Variants in PPFIA2 observed in about 807,000 individuals in gnomAD.
PPFIA2 encodes the protein liprin-alpha-2.
In PPFIA2, 46 loss-of-function variants were observed where a neutral mutation model predicts 175.5. The ratio of observed to expected loss-of-function variants is 0.26; its 90% CI spans 0.21 to 0.34. PPFIA2 has a LOEUF of 0.34. Among genes scored for constraint, PPFIA2 ranks in the 10% least tolerant of loss-of-function variants. The probability of loss-of-function intolerance (pLI) is 1.00; values close to 1 mark genes in which losing one functional copy is unlikely to be tolerated. For synonymous variants in PPFIA2, 568 were observed against 511.4 expected (o/e 1.11, Z -1.49); for missense variants, 1,179 against 1,506.1 (o/e 0.78, Z 3.60).
intron 28 of PPFIA2, among the ~76,000 whole-genome samples, chr12:81,272,000 C>A (rs1156519030): frequency 6.6e-6 from 1 of 152,058 alleles, no homozygotes; most frequent in Admixed American, 6.6e-5. Context: ...GATGGACATA[C>A]TTCAAAGTAA....
At chr12:81,531,013 T>C (rs1006839599) in intron 4 of PPFIA2, among the ~76,000 whole-genome samples, 12 of 151,902 alleles carry the variant, frequency 7.9e-5, no homozygotes, top group African/African-American at 2.9e-4. Flanking sequence ...TCTAAGTTGT[T>C]TGACAGACAA....
At chr12:81,710,558 A>T (rs957954815) in intron 3 of PPFIA2, among the ~76,000 whole-genome samples, 4 of 152,144 alleles carry the variant, frequency 2.6e-5, no homozygotes, top group African/African-American at 9.7e-5. Context: ...AAATGCTTAA[A>T]ATCAGAAGTG....
chr12:81,273,265 C>T (rs1565845128), intron 28 of PPFIA2, among the ~76,000 whole-genome samples: 5 of 152,130 alleles, frequency 3.3e-5, no homozygotes, highest in Non-Finnish European at 7.4e-5. Flanking sequence ...ATGTTTTACA[C>T]ATTCTTTGCT....
chr12:81,549,439 CT>C (rs980830123), intron 4 of PPFIA2, among the ~76,000 whole-genome samples: 33 of 152,070 alleles, frequency 2.2e-4, no homozygotes, highest in African/African-American at 7.7e-4. Context: ...AAAATATGAC[CT>C]AGATGTCAAC....
At chr12:81,630,603 A>G (rs1385832863) in intron 4 of PPFIA2, among the ~76,000 whole-genome samples, 1 of 152,102 alleles carries the variant, frequency 6.6e-6, no homozygotes, top group Non-Finnish European at 1.5e-5. Flanking sequence ...GAAGCCTAAT[A>G]GTCTTGTCCT....
intron 4 of PPFIA2, among the ~76,000 whole-genome samples, chr12:81,634,883 T>C (rs1016323123): frequency 6.6e-6 from 1 of 151,694 alleles, no homozygotes; most frequent in Non-Finnish European, 1.5e-5. Flanking sequence ...TCCTTTAAAA[T>C]TTTCCCTAAA....
intron 4 of PPFIA2, among the ~76,000 whole-genome samples, chr12:81,547,264 T>C (rs1023136280): frequency 1.3e-5 from 2 of 152,240 alleles, no homozygotes; most frequent in African/African-American, 4.8e-5. Flanking sequence ...TTACATAATA[T>C]TGAATTCAGA....
At chr12:81,576,045 A>C (rs1234239997) in intron 4 of PPFIA2, among the ~76,000 whole-genome samples, 1 of 151,636 alleles carries the variant, frequency 6.6e-6, no homozygotes, top group Admixed American at 6.6e-5. Context: ...GTGAACACTT[A>C]GTCATACAGC....
intron 3 of PPFIA2, among the ~76,000 whole-genome samples, chr12:81,735,125 A>G (rs2081402390): frequency 6.6e-6 from 1 of 151,786 alleles, no homozygotes; most frequent in Admixed American, 6.6e-5. Context: ...ATACATGAAA[A>G]TATGTTTTCA....
intron 3 of PPFIA2, among the ~76,000 whole-genome samples, chr12:81,716,965 G>A (rs573037250): frequency 7.9e-5 from 12 of 151,608 alleles, no homozygotes; most frequent in East Asian, 2.0e-4. Flanking sequence ...AAAATGACAA[G>A]GTATGGCATC....
At chr12:81,492,089 C>A (rs2059480685) in intron 4 of PPFIA2, among the ~76,000 whole-genome samples, 1 of 151,854 alleles carries the variant, frequency 6.6e-6, no homozygotes, top group South Asian at 2.1e-4. Flanking sequence ...GTTTTGTGTG[C>A]CTGACTTTGT....
intron 4 of PPFIA2, among the ~76,000 whole-genome samples, chr12:81,580,805 A>G (rs2074288320): frequency 6.6e-6 from 1 of 151,732 alleles, no homozygotes; most frequent in Non-Finnish European, 1.5e-5. Flanking sequence ...TGAGATAATT[A>G]CATATATCCT....
At chr12:81,284,430 T>C in intron 24 of PPFIA2, 127 bp from the exon 25 acceptor site, 1 of 674,266 alleles carries the variant, frequency 1.5e-6, no homozygotes, top group Middle Eastern at 4.1e-4. Context: ...CCCTACCGTG[T>C]GCATGAAAGA....
At chr12:81,374,611 G>A (rs2035937262) in intron 11 of PPFIA2, 23 bp downstream of exon 11, 1 of 1,585,054 alleles carries the variant, frequency 6.3e-7, no homozygotes. Flanking sequence ...TATCTAGGTT[G>A]ACCAGTTGTT....
At chr12:81,669,126 C>A (rs976716944) in intron 4 of PPFIA2, among the ~76,000 whole-genome samples, 1 of 151,858 alleles carries the variant, frequency 6.6e-6, no homozygotes, top group African/African-American at 2.4e-5. Flanking sequence ...ACTGTTATTT[C>A]TTCCAGTGGT....
intron 4 of PPFIA2, among the ~76,000 whole-genome samples, chr12:81,515,212 C>T (rs1216831466): frequency 6.6e-6 from 1 of 151,862 alleles, no homozygotes; most frequent in Non-Finnish European, 1.5e-5. Context: ...GTAACTAATG[C>T]TAATTCAAGT....
At chr12:81,433,048 C>A (rs1455998012) in intron 7 of PPFIA2, among the ~76,000 whole-genome samples, 1 of 151,742 alleles carries the variant, frequency 6.6e-6, no homozygotes, top group African/African-American at 2.4e-5. Context: ...GAAAAAAACC[C>A]ATAATATTAC....
chr12:81,699,074 T>C lies in PPFIA2; in HGVS notation c.250-22230A>G, dbSNP rs906849176. ...ATGCAGAATTAGGCCATGCATCTAT[T>C]ATAAAACCACAGAAAAATTTTAGAA... On this transcript the variant is annotated intron_variant, in intron 3 of 32. Transcript: ENST00000549396. 2.0e-5 allele frequency among the ~76,000 whole-genome samples: 3 copies of C among 152,094 alleles called. No homozygotes were observed. The East Asian group carries it at 5.8e-4, about 29-fold the overall frequency.
chr12:81,449,917 G>C (rs539402919), intron 5 of PPFIA2, among the ~76,000 whole-genome samples: 2 of 151,232 alleles, frequency 1.3e-5, no homozygotes, highest in East Asian at 3.9e-4. Context: ...GCAATAGTTT[G>C]CTGAGAATGA....
Sources: gnomAD v4.1 joint callset for allele counts (sites outside exome capture counted in the v4.1 genomes callset) on GRCh38, gnomAD v4.1.1 for gene constraint, MANE v1.5 for transcripts, NCBI Gene and HGNC (gene_info 2026-07-23, HGNC 2026-07-21) for gene names.